GRM7: variants seen among roughly 807,000 people sequenced by gnomAD.
GRM7 encodes glutamate metabotropic receptor 7, also known as metabotropic glutamate receptor 7.
Under a neutral mutation model 84.5 loss-of-function variants are expected in GRM7, and 35 were observed. The observed-to-expected ratio is 0.41, with a 90% CI of 0.32 to 0.55. The LOEUF (loss-of-function observed/expected upper bound fraction) is 0.55. GRM7 is among the 20% of genes least tolerant of loss of function. The probability of loss-of-function intolerance (pLI) is 0.19; values close to 1 mark genes in which losing one functional copy is unlikely to be tolerated. For missense variants in GRM7, 1,003 were observed against 1,194.6 expected (o/e 0.84, Z 2.36); for synonymous variants, 487 against 455.1 (o/e 1.07, Z -0.89).
At chr3:7,734,723 A>C (rs1450932555) in intron 9 of GRM7, among the ~76,000 whole-genome samples, 4 of 152,324 alleles carry the variant, frequency 2.6e-5, no homozygotes, top group African/African-American at 9.6e-5. Flanking sequence ...ATTGTTTTAT[A>C]GTTCAGAATT....
intron 2 of GRM7, among the ~76,000 whole-genome samples, chr3:7,275,737 G>C (rs73130224): frequency 0.049 from 7,393 of 152,130 alleles, 614 homozygotes; most frequent in African/African-American, 0.17. Context: ...TTTCCAAATG[G>C]TTCCTTTCCC....
intron 4 of GRM7, among the ~76,000 whole-genome samples, chr3:7,378,782 C>A (rs565716050): frequency 1.3e-5 from 2 of 152,164 alleles, no homozygotes; most frequent in Non-Finnish European, 2.9e-5. Context: ...CTGCTTTCAA[C>A]ACTTATCAGG....
intron 1 of GRM7, among the ~76,000 whole-genome samples, chr3:7,136,045 AT>A (rs1398107483): frequency 1.3e-5 from 2 of 152,140 alleles, no homozygotes; most frequent in Non-Finnish European, 2.9e-5. Context: ...CTATGTAATA[AT>A]TATGGGATAA....
At chr3:7,421,597 T>C (rs1440993532) in intron 5 of GRM7, among the ~76,000 whole-genome samples, 1 of 152,006 alleles carries the variant, frequency 6.6e-6, no homozygotes, top group Non-Finnish European at 1.5e-5. Flanking sequence ...TCCTTCGGCG[T>C]GCATGATTTT....
intron 9 of GRM7, chr3:7,693,665 C>T: frequency 6.5e-7 from 1 of 1,530,734 alleles, no homozygotes; most frequent in South Asian, 1.2e-5. Flanking sequence ...ACCATCTGCA[C>T]TGGCATCTAG....
chr3:7,214,283 C>T (rs1178358493), intron 2 of GRM7, among the ~76,000 whole-genome samples: 4 of 152,142 alleles, frequency 2.6e-5, no homozygotes, highest in Non-Finnish European at 5.9e-5. Flanking sequence ...CTAGAAAGAG[C>T]CTGTTAATTG....
intron 1 of GRM7, among the ~76,000 whole-genome samples, chr3:6,872,405 C>T (rs1482688564): frequency 2.0e-5 from 3 of 152,174 alleles, no homozygotes; most frequent in African/African-American, 7.2e-5. Context: ...ATCTCACTCT[C>T]TCTCTTTCAT....
At chr3:7,276,518 T>G (rs1699063484) in intron 2 of GRM7, among the ~76,000 whole-genome samples, 1 of 151,904 alleles carries the variant, frequency 6.6e-6, no homozygotes, top group African/African-American at 2.4e-5. Flanking sequence ...TAGCCTAGGA[T>G]TTAGTACTAT....
chr3:7,070,227 A>G (rs191190277), intron 1 of GRM7, among the ~76,000 whole-genome samples: 1 of 152,238 alleles, frequency 6.6e-6, no homozygotes, highest in African/African-American at 2.4e-5. Flanking sequence ...TAGTTTCCAA[A>G]GTGTATTTTA....
chr3:7,665,982 A>G (rs1214011364), intron 8 of GRM7, among the ~76,000 whole-genome samples: 1 of 152,152 alleles, frequency 6.6e-6, no homozygotes, highest in Non-Finnish European at 1.5e-5. Context: ...TTCATTTTTG[A>G]TAGGTGTTCC....
chr3:7,044,461 T>C (rs1213367898), intron 1 of GRM7, among the ~76,000 whole-genome samples: 1 of 152,218 alleles, frequency 6.6e-6, no homozygotes, highest in Non-Finnish European at 1.5e-5. Flanking sequence ...TACATTGGAT[T>C]ATATTTTTAA....
In GRM7 at chr3:7,228,598, C is replaced by T. The variant is rs922470118; in HGVS notation, c.737-70086C>T. On this transcript the variant is annotated intron_variant, in intron 2 of 9. Transcript: ENST00000357716. Reference sequence around the variant, plus strand: ...CCTTTCTTGAGTCATGTTTATATCCCGTGTATACGGATAAAGAGAATTCTG... The same window carrying T: ...CCTTTCTTGAGTCATGTTTATATCCTGTGTATACGGATAAAGAGAATTCTG... Among the ~76,000 whole-genome samples, 17 of 152,138 alleles carry T rather than the reference C, an allele frequency of 1.1e-4. 1 individual carries two copies. Among genetic ancestry groups the T allele is most frequent in the East Asian group, 3.9e-4 (2 of 5,182 alleles).
intron 1 of GRM7, among the ~76,000 whole-genome samples, chr3:6,992,508 C>A (rs1694678569): frequency 6.6e-6 from 1 of 152,054 alleles, no homozygotes; most frequent in Non-Finnish European, 1.5e-5. Flanking sequence ...TTAGATGATT[C>A]AGGAAACGTT....
At chr3:7,715,567 T>C (rs1360227167) in intron 9 of GRM7, among the ~76,000 whole-genome samples, 2 of 152,206 alleles carry the variant, frequency 1.3e-5, no homozygotes, top group Non-Finnish European at 2.9e-5. Context: ...AGTGTCTGTG[T>C]TTACTAAGTA....
At chr3:7,400,679 C>T in intron 4 of GRM7, among the ~76,000 whole-genome samples, 1 of 152,124 alleles carries the variant, frequency 6.6e-6, no homozygotes, top group African/African-American at 2.4e-5. Flanking sequence ...ATCATTCTAT[C>T]CTGGCATTTT....
chr3:6,951,638 C>A (rs1173371311), intron 1 of GRM7, among the ~76,000 whole-genome samples: 1 of 152,154 alleles, frequency 6.6e-6, no homozygotes, highest in African/African-American at 2.4e-5. Context: ...GAACTTGCAT[C>A]TTTTAAGGTT....
intron 1 of GRM7, among the ~76,000 whole-genome samples, chr3:6,992,708 C>A (rs1694689308): frequency 6.6e-6 from 1 of 152,222 alleles, no homozygotes; most frequent in Non-Finnish European, 1.5e-5. Context: ...GGAGCCATAA[C>A]CATGAAGAAA....
rs573698165 is a variant in GRM7 at position 7,627,599 on chromosome 3, A to T, written c.2451+48242A>T. 4.6e-5 allele frequency among the ~76,000 whole-genome samples: 7 copies of T among 152,334 alleles called. No homozygotes were observed. The East Asian group carries it at 1.3e-3, about 29-fold the overall frequency. On this transcript the variant is annotated intron_variant, in intron 8 of 9. Transcript: ENST00000357716. Reference sequence around the variant, plus strand: ...GTTCACTGGAAAACACTTGAACTTGAATCTCAAAGTATATTTTCCTTGTTA... The same window carrying T: ...GTTCACTGGAAAACACTTGAACTTGTATCTCAAAGTATATTTTCCTTGTTA...
intron 1 of GRM7, among the ~76,000 whole-genome samples, chr3:6,997,021 T>C (rs1024907310): frequency 3.3e-5 from 5 of 152,336 alleles, no homozygotes; most frequent in South Asian, 4.1e-4. Flanking sequence ...GAAGTTATGA[T>C]TAAAAAGCAA....
Sources: allele counts gnomAD v4.1 joint callset (sites outside exome capture counted in the v4.1 genomes callset), GRCh38; gene constraint gnomAD v4.1.1; transcripts MANE v1.5; gene names NCBI Gene and HGNC (gene_info 2026-07-23, HGNC 2026-07-21).